CFAP77: variants seen among roughly 807,000 people sequenced by gnomAD.
CFAP77 encodes cilia and flagella associated protein 77, also known as cilia- and flagella-associated protein 77.
Under a neutral mutation model 31.1 loss-of-function variants are expected in CFAP77, and 25 were observed. The observed-to-expected ratio is 0.80, with a 90% confidence interval of 0.59 to 1.12. CFAP77 has a LOEUF of 1.12. Among genes scored for constraint, CFAP77 ranks in the 50% most tolerant of loss-of-function variants. The pLI is 0.00. For missense variants in CFAP77, 377 were observed against 397.3 expected (o/e 0.95, Z 0.44); for synonymous variants, 151 against 159.9 (o/e 0.94, Z 0.42).
chr9:132,559,149 C>A (rs1307301310), intron 5 of CFAP77, among the ~76,000 whole-genome samples: 2 of 151,826 alleles, frequency 1.3e-5, no homozygotes, highest in African/African-American at 4.8e-5. Flanking sequence ...TCGAGACCAT[C>A]CTGGCTAACA....
At chr9:132,553,362 G>A (rs374528355) in intron 5 of CFAP77, among the ~76,000 whole-genome samples, 1 of 152,176 alleles carries the variant, frequency 6.6e-6, no homozygotes, top group African/African-American at 2.4e-5. Flanking sequence ...AGCACTTTGC[G>A]AGGCTGAGGT....
chr9:132,544,442 G>A (rs1231623695), intron 5 of CFAP77, among the ~76,000 whole-genome samples: 6 of 150,392 alleles, frequency 4.0e-5, no homozygotes, highest in East Asian at 2.0e-4. Context: ...AGCAGATTCC[G>A]TCCACAGCCT....
intron 1 of CFAP77, among the ~76,000 whole-genome samples, chr9:132,452,499 AC>A (rs980830242): frequency 3.2e-4 from 49 of 152,184 alleles, no homozygotes; most frequent in African/African-American, 1.2e-3. Context: ...CCACAGGAGG[AC>A]CAGTTGAAGG....
At chr9:132,439,659 A>C (rs1482883760) in intron 1 of CFAP77, among the ~76,000 whole-genome samples, 1 of 152,004 alleles carries the variant, frequency 6.6e-6, no homozygotes, top group African/African-American at 2.4e-5. Context: ...ATCCTGGCTA[A>C]CATGGTGAAA....
intron 5 of CFAP77, among the ~76,000 whole-genome samples, chr9:132,560,182 T>C (rs1210181710): frequency 6.6e-6 from 1 of 152,198 alleles, no homozygotes; most frequent in African/African-American, 2.4e-5. Flanking sequence ...AAAGCTGTTT[T>C]TAAAAAGAGT....
At chr9:132,439,797 C>T (rs1207508730) in intron 1 of CFAP77, among the ~76,000 whole-genome samples, 4 of 146,372 alleles carry the variant, frequency 2.7e-5, no homozygotes, top group Middle Eastern at 3.7e-3. Context: ...TGTAGTGAGC[C>T]GAGATCGTGC....
intron 1 of CFAP77, among the ~76,000 whole-genome samples, chr9:132,464,071 C>T (rs188325048): frequency 3.3e-5 from 5 of 152,330 alleles, no homozygotes; most frequent in African/African-American, 9.6e-5. Flanking sequence ...TTACAGTGAA[C>T]GTCTCCATAG....
intron 1 of CFAP77, among the ~76,000 whole-genome samples, chr9:132,443,776 C>T (rs1564205774): frequency 1.3e-5 from 2 of 152,280 alleles, no homozygotes; most frequent in Non-Finnish European, 1.5e-5. Flanking sequence ...TGGAGCATGA[C>T]GTTGAAAATA....
intron 3 of CFAP77, chr9:132,513,437 T>A: frequency 7.1e-7 from 1 of 1,415,208 alleles, no homozygotes; most frequent in Non-Finnish European, 9.3e-7. Flanking sequence ...CTTCCTAGCC[T>A]CAGCCCCTCC....
intron 5 of CFAP77, among the ~76,000 whole-genome samples, chr9:132,557,363 C>A (rs867206599): frequency 3.3e-5 from 5 of 152,180 alleles, no homozygotes; most frequent in African/African-American, 1.2e-4. Context: ...GAGCCACCGC[C>A]GTGGGGGCAC....
At chr9:132,518,221 G>A (rs1287752281) in intron 3 of CFAP77, among the ~76,000 whole-genome samples, 1 of 152,122 alleles carries the variant, frequency 6.6e-6, no homozygotes. Context: ...ATGGGGCCCA[G>A]CGTGGAAGTC....
At chr9:132,508,915 G>A (rs553901083) in intron 3 of CFAP77, among the ~76,000 whole-genome samples, 44 of 152,300 alleles carry the variant, frequency 2.9e-4, no homozygotes, top group Non-Finnish European at 4.6e-4. Flanking sequence ...CCTCCAGGGC[G>A]GCTGTTCATA....
intron 1 of CFAP77, among the ~76,000 whole-genome samples, chr9:132,489,666 CA>C (rs1851621534): frequency 6.6e-6 from 1 of 152,140 alleles, no homozygotes; most frequent in South Asian, 2.1e-4. Context: ...GATCCCTGTG[CA>C]GGGAGGGTGA....
chr9:132,522,367 C>A (rs955015223), intron 3 of CFAP77, among the ~76,000 whole-genome samples: 1 of 147,062 alleles, frequency 6.8e-6, no homozygotes, highest in Non-Finnish European at 1.5e-5. Context: ...CCTGGGCAAG[C>A]CATTTGACCT....
intron 1 of CFAP77, among the ~76,000 whole-genome samples, chr9:132,465,387 T>C (rs1420488237): frequency 6.6e-6 from 1 of 152,146 alleles, no homozygotes; most frequent in Non-Finnish European, 1.5e-5. Flanking sequence ...CACCTGGTCA[T>C]GAAGGTTGTG....
At chr9:132,538,301 G>A (rs1852582324) in intron 4 of CFAP77, among the ~76,000 whole-genome samples, 1 of 151,966 alleles carries the variant, frequency 6.6e-6, no homozygotes, top group Admixed American at 6.5e-5. Flanking sequence ...TGCTTCCCAG[G>A]CGTGGAAGTC....
rs978975437 is a variant in CFAP77, at chr9:132,426,022, T to C, written c.195+15556T>C. The stretch of plus-strand genomic sequence containing the variant: ...GAAAGTGACTTGTTCAATTGTTACC[T>C]GAAGCATTCACAAGCCGGCCAGTCA... On this transcript the variant is annotated intron_variant, in intron 1 of 5. Coordinates refer to ENST00000393216, the MANE Select transcript of CFAP77 (RefSeq NM_001282957.2). Among the ~76,000 whole-genome samples, 41 of 152,334 alleles carry C rather than the reference T, an allele frequency of 2.7e-4. 1 individual carries two copies. Among genetic ancestry groups the C allele is most frequent in the African/African-American group, 9.9e-4 (41 of 41,570 alleles).
At chr9:132,526,576 G>T (rs562816760) in intron 3 of CFAP77, among the ~76,000 whole-genome samples, 1 of 130,988 alleles carries the variant, frequency 7.6e-6, no homozygotes, top group Non-Finnish European at 1.8e-5. Flanking sequence ...CTGGTTTTTT[G>T]AAAGGATCAA....
At chr9:132,441,604 C>T (rs1174349034) in intron 1 of CFAP77, among the ~76,000 whole-genome samples, 1 of 152,176 alleles carries the variant, frequency 6.6e-6, no homozygotes, top group Non-Finnish European at 1.5e-5. Context: ...GAAATGACAG[C>T]CTACCTTGGA....
Sources: allele counts gnomAD v4.1 joint callset (sites outside exome capture counted in the v4.1 genomes callset), GRCh38; gene constraint gnomAD v4.1.1; transcripts MANE v1.5; gene names NCBI Gene and HGNC (gene_info 2026-07-23, HGNC 2026-07-21).